Variants in FIG4 observed in about 807,000 individuals in gnomAD.
The protein encoded by FIG4 is polyphosphoinositide phosphatase.
Under a neutral mutation model 118.6 loss-of-function variants are expected in FIG4, and 112 were observed. That is an observed-to-expected ratio of 0.94 (90% CI 0.81 to 1.11). FIG4 has a LOEUF of 1.11. Ranked by LOEUF, FIG4 falls within the 50% of genes least tolerant of loss-of-function variation. FIG4 has a pLI of 0.00. For missense variants in FIG4, 969 were observed against 1,111.7 expected (o/e 0.87, Z 1.83); for synonymous variants, 369 against 381.2 (o/e 0.97, Z 0.37).
At chr6:109,766,624 C>A in intron 14 of FIG4, 105 bp from the exon 15 acceptor site, 1 of 910,758 alleles carries the variant, frequency 1.1e-6, no homozygotes, top group Non-Finnish European at 1.8e-6. Flanking sequence ...ACTTGAAAGG[C>A]TCAGAAGAAT....
At chr6:109,749,645 C>T (rs1030272794) in intron 10 of FIG4, among the ~76,000 whole-genome samples, 2 of 97,346 alleles carry the variant, frequency 2.1e-5, no homozygotes, top group Non-Finnish European at 4.5e-5. Flanking sequence ...TTACAGAGTT[C>T]GTATAGTGTG....
In FIG4 at chr6:109,763,031, C is replaced by T. The variant is rs1225764565; in HGVS notation, c.1388+824C>T. 4.6e-5 allele frequency among the ~76,000 whole-genome samples: 7 copies of T among 152,198 alleles called. 1 individual carries two copies. Among genetic ancestry groups the T allele is most frequent in the Admixed American group, 3.3e-4 (5 of 15,278 alleles). ...GTTGCATAGAACACACTTAATTCCC[C>T]AAGAAACAGATTGTGAAGCATGGGT... On this transcript the variant is annotated intron_variant, in intron 12 of 22. Coordinates refer to ENST00000230124, the MANE Select transcript of FIG4 (RefSeq NM_014845.6).
intron 15 of FIG4, among the ~76,000 whole-genome samples, chr6:109,775,876 A>G (rs7764868): frequency 0.026 from 3,920 of 152,310 alleles, 172 homozygotes; most frequent in African/African-American, 0.09. Flanking sequence ...AAATAACCCA[A>G]TGAGAACAGT....
rs559555421 is a variant in FIG4 at position 109,790,814 on chromosome 6, C to T, written c.2181-562C>T. Among the ~76,000 whole-genome samples the T allele has an allele frequency of 1.3e-3, 200 of 152,110 alleles. 1 individual carries two copies. The highest frequency in any genetic ancestry group is 4.6e-3 in the African/African-American group (189 of 41,496). On this transcript the variant is annotated intron_variant, in intron 19 of 22. Coordinates refer to ENST00000230124, the MANE Select transcript of FIG4 (RefSeq NM_014845.6). ...ACTTTTATAAGTGTAGGGTTTTCCC[C>T]CCTTCTATTCCCTACTATTAAAGGG...
At chr6:109,701,722 G>C (rs904505026) in intron 1 of FIG4, 7 of 471,456 alleles carry the variant, frequency 1.5e-5, no homozygotes, top group Non-Finnish European at 2.6e-5. Flanking sequence ...AGAACCACAT[G>C]GTGAGGAAAT....
At position 109,743,757 on chromosome 6, in the gene FIG4, C is replaced by A; in HGVS notation, c.1122C>A (p.Ile374=). Residue 374 remains isoleucine (I), a synonymous_variant, in exon 10 of 23, where the codon ATC becomes ATA. Coordinates refer to ENST00000230124, the MANE Select transcript of FIG4 (RefSeq NM_014845.6). ...AGAGGTTTGGCTCTCCCATCATCAT[C>A]TTGAATTTAGTGAAGGTATGATGTG... is the stretch of plus-strand genomic sequence containing the variant. ...MFQRFGSPII[I]LNLVKEREKR... is the part of the protein sequence containing the mutation. 6.2e-7 allele frequency: 1 copy of A among 1,611,410 alleles called. No individual in the cohort carries two copies. The highest frequency in any genetic ancestry group is 8.5e-7 in the Non-Finnish European group (1 of 1,177,992).
At position 109,741,471 on chromosome 6, in the gene FIG4, A is replaced by G. The variant is rs991119750; in HGVS notation, c.803A>G (p.Tyr268Cys). Reference protein sequence around the residue: ...SKLLIYGRPVYVTLIARRSSK... With the variant: ...SKLLIYGRPVCVTLIARRSSK... ...CTGTTGATCTATGGACGACCAGTGTATGTCACTCTAATAGCTAGAAGATCC... is the reference window on the plus strand; with the variant it reads ...CTGTTGATCTATGGACGACCAGTGTGTGTCACTCTAATAGCTAGAAGATCC... Residue 268 changes from tyrosine to cysteine, a missense_variant, in exon 8 of 23, where the codon TAT becomes TGT. Tyr to Cys is a radical substitution (Grantham distance 194). Around this residue, in one of 3 missense-constraint regions of FIG4, gnomAD observed 393 missense variants for 409.4 expected, o/e 0.96. Transcript: ENST00000230124. The G allele has an allele frequency of 2.5e-6, 4 of 1,613,066 alleles. No homozygotes were observed. The highest frequency in any genetic ancestry group is 3.4e-6 in the Non-Finnish European group (4 of 1,179,292).
intron 7 of FIG4, among the ~76,000 whole-genome samples, chr6:109,740,749 A>T (rs923458147): frequency 1.3e-5 from 2 of 152,182 alleles, no homozygotes; most frequent in African/African-American, 4.8e-5. Context: ...AAGACTAAGG[A>T]AGGTGTATTA....
intron 3 of FIG4, among the ~76,000 whole-genome samples, chr6:109,719,245 A>G (rs1775532436): frequency 6.6e-6 from 1 of 152,144 alleles, no homozygotes; most frequent in South Asian, 2.1e-4. Context: ...GCATTTCATA[A>G]TGTGTATATA....
chr6:109,781,576 C>T (rs562995749), intron 16 of FIG4, among the ~76,000 whole-genome samples: 9 of 151,850 alleles, frequency 5.9e-5, no homozygotes, highest in South Asian at 4.2e-4. Context: ...TCACACCAGC[C>T]ATCCTCAGCA....
intron 1 of FIG4, among the ~76,000 whole-genome samples, chr6:109,700,715 A>G (rs1027018032): frequency 6.6e-6 from 1 of 152,226 alleles, no homozygotes; most frequent in African/African-American, 2.4e-5. Flanking sequence ...TGGCTGAGCT[A>G]GTGATGTCTT....
chr6:109,731,573 A>G (rs1208257298), intron 4 of FIG4, among the ~76,000 whole-genome samples: 1 of 152,214 alleles, frequency 6.6e-6, no homozygotes, highest in East Asian at 1.9e-4. Context: ...TGTACTGAAC[A>G]TGTACAGATG....
At chr6:109,754,028 G>T (rs1431101318) in intron 10 of FIG4, among the ~76,000 whole-genome samples, 1 of 152,206 alleles carries the variant, frequency 6.6e-6, no homozygotes, top group Admixed American at 6.5e-5. Flanking sequence ...AGTTTTCAAA[G>T]GGAATGCTTC....
At chr6:109,699,830 T>C (rs1404566406) in intron 1 of FIG4, among the ~76,000 whole-genome samples, 1 of 152,140 alleles carries the variant, frequency 6.6e-6, no homozygotes, top group East Asian at 1.9e-4. Flanking sequence ...GATTAATCAG[T>C]GTCTTATTCC....
intron 3 of FIG4, among the ~76,000 whole-genome samples, chr6:109,724,073 C>T (rs115820080): frequency 5.4e-4 from 82 of 152,080 alleles, no homozygotes; most frequent in African/African-American, 1.5e-3. Flanking sequence ...TTCCTCAGAA[C>T]GTATATCCAT....
intron 1 of FIG4, among the ~76,000 whole-genome samples, chr6:109,705,201 T>C (rs1384735755): frequency 6.6e-6 from 1 of 152,254 alleles, no homozygotes; most frequent in Non-Finnish European, 1.5e-5. Context: ...TGAAGCATAC[T>C]ATTAAATGTA....
At chr6:109,779,122 A>C (rs1324459946) in intron 16 of FIG4, among the ~76,000 whole-genome samples, 5 of 152,112 alleles carry the variant, frequency 3.3e-5, no homozygotes, top group African/African-American at 1.2e-4. Context: ...CTGACAAAAA[A>C]TTTGAAACTT....
intron 10 of FIG4, among the ~76,000 whole-genome samples, chr6:109,749,093 G>C (rs1319418620): frequency 6.6e-6 from 1 of 150,892 alleles, no homozygotes; most frequent in East Asian, 2.0e-4. Context: ...GTGTGTGTGT[G>C]TGTGTGTGTG....
chr6:109,804,712 A>G (rs964566117), intron 22 of FIG4, among the ~76,000 whole-genome samples: 3 of 152,146 alleles, frequency 2.0e-5, no homozygotes, highest in Non-Finnish European at 2.9e-5. Context: ...CTGGAAATCA[A>G]TTGCATTCTA....
Sources: allele counts gnomAD v4.1 joint callset (sites outside exome capture counted in the v4.1 genomes callset), GRCh38; gene constraint gnomAD v4.1.1; regional missense constraint gnomAD v4.1.1; transcripts MANE v1.5; gene names NCBI Gene and HGNC (gene_info 2026-07-23, HGNC 2026-07-21).